LRAT: variants seen among roughly 807,000 people sequenced by gnomAD.
LRAT encodes the protein lecithin retinol acyltransferase, also known as lecithin retinol acyltransferase (phosphatidylcholine--retinol O-acyltransferase).
Under a neutral mutation model 14.2 loss-of-function variants are expected in LRAT, and 11 were observed. That is an observed-to-expected ratio of 0.78 (90% CI 0.49 to 1.29). The LOEUF (loss-of-function observed/expected upper bound fraction) is 1.29, where lower values mean the gene tolerates loss of function less well. Among genes scored for constraint, LRAT ranks in the 50% most tolerant of loss-of-function variants. The probability of loss-of-function intolerance (pLI) is 0.00; values close to 1 mark genes in which losing one functional copy is unlikely to be tolerated. For missense variants in LRAT, 274 were observed against 292.4 expected (o/e 0.94, Z 0.46); for synonymous variants, 144 against 124.8 (o/e 1.15, Z -1.03).
chr4:154,742,660 G>C (rs898739184), upstream of LRAT, among the ~76,000 whole-genome samples: 22 of 152,132 alleles, frequency 1.4e-4, no homozygotes, highest in African/African-American at 5.1e-4. Context: ...CATTAGCACG[G>C]AACTCAGCAC....
rs1417957384 is a variant in LRAT, at chr4:154,752,310, C to T, written c.*3174C>T. 1 of 152,182 alleles carries T rather than the reference C, an allele frequency of 6.6e-6. No homozygotes were observed. The highest frequency in any genetic ancestry group is 2.4e-5 in the African/African-American group (1 of 41,430). The allele number at this position is 152,182 out of a possible 1,614,324, so 9.4% of individuals were successfully genotyped here. On this transcript the variant is annotated 3_prime_UTR_variant, in exon 3 of 3. Coordinates refer to ENST00000336356, the MANE Select transcript of LRAT (RefSeq NM_004744.5). ...AAAATTGCCTACAACATGCCTGGCA[C>T]ATAGCTGTGAGGTACCCTATGAGTT... is the stretch of plus-strand genomic sequence containing the variant.
chr4:154,748,458 T>C, intron 2 of LRAT: 1 of 897,486 alleles, frequency 1.1e-6, no homozygotes, highest in Non-Finnish European at 1.3e-6. Flanking sequence ...GAATTTAGCA[T>C]ATTTAGTCAG....
Position 154,744,813 on chromosome 4 carries a change from C to G in LRAT, c.487C>G (p.His163Asp), listed in dbSNP as rs1010347467. 6.2e-7 allele frequency: 1 copy of G among 1,613,972 alleles called. No homozygotes were observed. Residue 163 changes from histidine (H) to aspartate (D), a missense_variant, in exon 2 of 3, where the codon CAC (histidine) becomes GAC (aspartate). By Grantham distance (81) the His-to-Asp change is moderately conservative. Transcript: ENST00000336356. ...PYSLLWNNCE[H>D]FVTYCRYGTP... is the part of the protein sequence containing the mutation. ...CAGCCTGCTGTGGAACAACTGCGAG[C>G]ACTTCGTGACCTACTGCAGATATGG... is the stretch of plus-strand genomic sequence containing the variant.
rs1029329083 is a variant in LRAT, at chr4:154,744,710, C to T, written c.384C>T (p.Asp128=). The T allele has an allele frequency of 6.2e-7, 1 of 1,614,182 alleles. No homozygotes were observed. The highest frequency in any genetic ancestry group is 1.3e-5 in the African/African-American group (1 of 75,042). ...YGANILVNHL[D]ESLQKKALLN... is the part of the protein sequence containing the mutation. ...CTAACATCCTGGTCAATCACCTGGA[C>T]GAGTCCCTCCAGAAAAAGGCACTGC... The change falls in exon 2 of 3, where the codon GAC becomes GAT. Residue 128 remains aspartate (D), a synonymous_variant. Coordinates refer to ENST00000336356, the MANE Select transcript of LRAT (RefSeq NM_004744.5).
intron 2 of LRAT, 108 bp from the exon 3 acceptor site, chr4:154,748,876 T>A: frequency 9.3e-7 from 1 of 1,070,370 alleles, no homozygotes; most frequent in South Asian, 1.3e-5. Context: ...AAAGTCTAGT[T>A]CTTCTGGTAG....
upstream of LRAT, among the ~76,000 whole-genome samples, chr4:154,743,125 A>ACCCCCCCCCCCCCCCCCCCCCCCACC (rs59844353): frequency 5.6e-5 from 1 of 17,840 alleles, no homozygotes; most frequent in Non-Finnish European, 1.0e-4. Flanking sequence ...GACCCCCCCA[A>ACCCCCCCCCCCCCCCCCCCCCCCACC]CCCCCCCCCC....
At chr4:154,748,274 G>A (rs997895491) in intron 2 of LRAT, 8 of 984,100 alleles carry the variant, frequency 8.1e-6, no homozygotes, top group Non-Finnish European at 9.7e-6. Context: ...GACTACTTGA[G>A]GTGACATAGC....
intron 2 of LRAT, 115 bp from the exon 3 acceptor site, chr4:154,748,869 G>T: frequency 1.0e-6 from 1 of 980,966 alleles, no homozygotes; most frequent in Non-Finnish European, 1.6e-6. Flanking sequence ...ATAAGAAAAA[G>T]TCTAGTTCTT....
Position 154,753,059 on chromosome 4 carries a change from CAGCTA to C in LRAT, c.*3930_*3934del, listed in dbSNP as rs2111043418. 1 of 152,274 alleles carries C rather than the reference CAGCTA, an allele frequency of 6.6e-6. No homozygotes were observed. Among genetic ancestry groups the C allele is most frequent in the East Asian group, 1.9e-4 (1 of 5,174 alleles). 9.4% of individuals were successfully genotyped at this position (152,274 alleles called of 1,614,324 possible). A position where few individuals can be genotyped will look rare whatever the true frequency, so the allele number is the denominator to read the frequency against. On this transcript the variant is annotated 3_prime_UTR_variant, in exon 3 of 3. Transcript: ENST00000336356. ...AGAGTTTTAACCAACCTAGATCTGT[CAGCTA>C]AGCTAATTTTATATTTGGTATACAT...
At position 154,744,485 on chromosome 4, in the gene LRAT, G is replaced by A. The variant is rs768488337; in HGVS notation, c.159G>A (p.Val53=). 6.2e-6 allele frequency: 10 copies of A among 1,613,968 alleles called. No individual in the cohort carries two copies. The highest frequency in any genetic ancestry group is 2.2e-5 in the East Asian group (1 of 44,888). Residue 53 remains valine (V), a synonymous_variant, in exon 2 of 3, where the codon GTG becomes GTA. Transcript: ENST00000336356. ...SSFHRGDVLE[V]PRTHLTHYGI... ...TCCACCGAGGCGACGTGCTGGAGGT[G>A]CCCCGGACCCACCTGACCCACTATG... is the stretch of plus-strand genomic sequence containing the variant.
chr4:154,748,258 C>T (rs1195288334), intron 2 of LRAT: 1 of 985,028 alleles, frequency 1.0e-6, no homozygotes, highest in Non-Finnish European at 1.2e-6. Flanking sequence ...TTGAGTGTTC[C>T]CATTTGACTA....
rs183881619 is a variant in LRAT, at chr4:154,752,975, G to C, written c.*3839G>C. 5.3e-5 allele frequency: 8 copies of C among 152,268 alleles called. No homozygotes were observed. The highest frequency in any genetic ancestry group is 1.9e-4 in the African/African-American group (8 of 41,558). 9.4% of individuals were successfully genotyped at this position (152,268 alleles called of 1,614,324 possible). A position where few individuals can be genotyped will look rare whatever the true frequency, so the allele number is the denominator to read the frequency against. ...AGTTATGGCAATGGCAAAAGTCCTT[G>C]TTGTAGATGAGAAGCATATAAGAAA... On this transcript the variant is annotated 3_prime_UTR_variant, in exon 3 of 3. Coordinates refer to ENST00000336356, the MANE Select transcript of LRAT (RefSeq NM_004744.5).
At chr4:154,743,985 G>T (rs1333365735), upstream of LRAT, 2 of 253,902 alleles carry the variant, frequency 7.9e-6, no homozygotes, top group Non-Finnish European at 1.5e-5. Flanking sequence ...AAGTCGCAGC[G>T]AAGCCTGCAC....
upstream of LRAT, among the ~76,000 whole-genome samples, chr4:154,743,140 C>G (rs1454725658): frequency 7.9e-6 from 1 of 127,294 alleles, no homozygotes; most frequent in East Asian, 3.0e-4. Context: ...CCCCCCCCCG[C>G]CCTACACACA....
intron 2 of LRAT, chr4:154,748,140 A>G (rs563319837): frequency 2.6e-6 from 2 of 765,104 alleles, no homozygotes; most frequent in Non-Finnish European, 3.2e-6. Context: ...ATAACTGTCA[A>G]CAAATAGAGT....
Position 154,744,144 on chromosome 4 carries a change from C to A in LRAT, c.-80C>A. On this transcript the variant is annotated 5_prime_UTR_variant, in exon 1 of 3. Transcript: ENST00000336356. ...CCCATTGTGGCTTGGCTGAGCCGGTCGCCAGGCCTCGCTGTCCTCCTTTGC... is the reference window on the plus strand; with the variant it reads ...CCCATTGTGGCTTGGCTGAGCCGGTAGCCAGGCCTCGCTGTCCTCCTTTGC... 1.6e-6 allele frequency: 1 copy of A among 635,880 alleles called. No individual in the cohort carries two copies. Among genetic ancestry groups the A allele is most frequent in the Non-Finnish European group, 2.8e-6 (1 of 360,300 alleles). The allele number at this position is 635,880 out of a possible 1,614,324, so 39.4% of individuals were successfully genotyped here. A position where few individuals can be genotyped will look rare whatever the true frequency, so the allele number is the denominator to read the frequency against.
At position 154,751,788 on chromosome 4, in the gene LRAT, A is replaced by C. The variant is rs1040493614; in HGVS notation, c.*2652A>C. On this transcript the variant is annotated 3_prime_UTR_variant, in exon 3 of 3. Transcript: ENST00000336356. Reference sequence around the variant, plus strand: ...AAGAAGAAGAAACCCTGAGCCATTAATGTGTCTCGTAACTTGAGGAAGTTC... The same window carrying C: ...AAGAAGAAGAAACCCTGAGCCATTACTGTGTCTCGTAACTTGAGGAAGTTC... 18 of 148,572 alleles carry C rather than the reference A, an allele frequency of 1.2e-4. No homozygotes were observed. Among genetic ancestry groups the C allele is most frequent in the Admixed American group, 1.1e-3 (17 of 14,912 alleles). 9.2% of individuals were successfully genotyped at this position (148,572 alleles called of 1,614,324 possible).
In LRAT at chr4:154,744,374, GCTC is replaced by G. The variant is rs1394954476; in HGVS notation, c.52_54del (p.Leu18del). ...TGGTGTCTTTACTACTGGAGAAGCTGCTCCTCATCTCCAACTTCACGCTCTTTA... is the reference window on the plus strand; with the variant it reads ...TGGTGTCTTTACTACTGGAGAAGCTGCTCATCTCCAACTTCACGCTCTTTA... On this transcript the variant is annotated inframe_deletion, in exon 2 of 3. Transcript: ENST00000336356. 35 of 1,614,064 alleles carry G rather than the reference GCTC, an allele frequency of 2.2e-5. No homozygotes were observed. The Admixed American group carries it at 3.5e-4, about 16-fold the overall frequency.
At chr4:154,743,136 C>G (rs13137985), upstream of LRAT, among the ~76,000 whole-genome samples, 2,955 of 122,166 alleles carry the variant, frequency 0.024, 175 homozygotes, top group Non-Finnish European at 0.035. Context: ...CCCCCCCCCC[C>G]CCGCCCTACA....
Sources: allele counts gnomAD v4.1 joint callset (sites outside exome capture counted in the v4.1 genomes callset), GRCh38; gene constraint gnomAD v4.1.1; transcripts MANE v1.5; gene names NCBI Gene and HGNC (gene_info 2026-07-23, HGNC 2026-07-21).